Variants in CCNY observed in about 807,000 individuals in gnomAD.
The protein encoded by CCNY is cyclin-Y.
Under a neutral mutation model 42.8 loss-of-function variants are expected in CCNY, and 19 were observed. That is an observed-to-expected ratio of 0.44 (90% confidence interval 0.31 to 0.65). The LOEUF (loss-of-function observed/expected upper bound fraction) is 0.65. Ranked by LOEUF, CCNY falls within the 30% of genes least tolerant of loss-of-function variation. The probability of loss-of-function intolerance (pLI) is 0.07; values close to 1 mark genes in which losing one functional copy is unlikely to be tolerated. For missense variants in CCNY, 370 were observed against 437.3 expected (o/e 0.85, Z 1.37); for synonymous variants, 165 against 162.7 (o/e 1.01, Z -0.11).
chr10:35,258,923 G>C (rs1334819334), intron 3 of CCNY, among the ~76,000 whole-genome samples: 1 of 142,464 alleles, frequency 7.0e-6, no homozygotes, highest in African/African-American at 2.7e-5. Context: ...GTGACAGAGA[G>C]AGACTGTCTT....
In CCNY at chr10:35,569,935, TC is replaced by T. The variant is rs934797949; in HGVS notation, c.*767del. On this transcript the variant is annotated 3_prime_UTR_variant, in exon 10 of 10. Coordinates refer to ENST00000374704, the MANE Select transcript of CCNY (RefSeq NM_145012.6). ...CTAGATCACATGGGTGCTTGTGCCT[TC>T]CGATTTTCTTGCATTTGTTTTTTTC... The T allele has an allele frequency of 6.5e-6, 1 of 152,868 alleles. No homozygotes were observed. The highest frequency in any genetic ancestry group is 2.4e-5 in the African/African-American group (1 of 41,540). The allele number at this position is 152,868 out of a possible 1,614,324, so 9.5% of individuals were successfully genotyped here.
chr10:35,486,008 T>C (rs1839781360), intron 2 of CCNY, among the ~76,000 whole-genome samples: 1 of 152,224 alleles, frequency 6.6e-6, no homozygotes, highest in Non-Finnish European at 1.5e-5. Context: ...ACCATATTTT[T>C]CTCTGTACTG....
intron 1 of CCNY, among the ~76,000 whole-genome samples, chr10:35,466,091 A>G (rs1327107963): frequency 6.6e-6 from 1 of 151,994 alleles, no homozygotes; most frequent in Non-Finnish European, 1.5e-5. Flanking sequence ...CATTTTAACT[A>G]ATTTACCGGC....
intron 3 of CCNY, among the ~76,000 whole-genome samples, chr10:35,299,957 A>G (rs929596601): frequency 5.3e-5 from 8 of 152,198 alleles, no homozygotes; most frequent in African/African-American, 1.9e-4. Flanking sequence ...ATACATCTTC[A>G]GTTTATCAGT....
At position 35,519,994 on chromosome 10, in the gene CCNY, G is replaced by C. The variant is rs535554531; in HGVS notation, c.365+3371G>C. Among the ~76,000 whole-genome samples the C allele has an allele frequency of 1.4e-4, 21 of 152,024 alleles. No individual in the cohort carries two copies. The South Asian group carries it at 4.2e-3, about 30-fold the overall frequency. On this transcript the variant is annotated intron_variant, in intron 4 of 9. Coordinates refer to ENST00000374704, the MANE Select transcript of CCNY (RefSeq NM_145012.6). ...TTGTTTCACCTTGTTGCGTAGGCTGGGCTCAAGCAATCTACCCACCTTGGC... is the reference window on the plus strand; with the variant it reads ...TTGTTTCACCTTGTTGCGTAGGCTGCGCTCAAGCAATCTACCCACCTTGGC...
intron 3 of CCNY, among the ~76,000 whole-genome samples, chr10:35,301,311 GA>G (rs780865670): frequency 1.8e-4 from 27 of 152,222 alleles, no homozygotes; most frequent in Non-Finnish European, 2.5e-4. Context: ...GTCCAGTTTT[GA>G]ATATGGGTTG....
chr10:35,486,272 A>G (rs192354981), intron 2 of CCNY, among the ~76,000 whole-genome samples: 2,016 of 152,338 alleles, frequency 0.013, 22 homozygotes, highest in Admixed American at 0.021. Flanking sequence ...GCGGCTTGAA[A>G]TAGCCATAAT....
intron 3 of CCNY, among the ~76,000 whole-genome samples, chr10:35,503,755 G>A (rs993068496): frequency 6.6e-6 from 1 of 152,174 alleles, no homozygotes; most frequent in Non-Finnish European, 1.5e-5. Context: ...GAGGAGATGA[G>A]GCACAAAGAA....
chr10:35,411,115 G>T (rs184760025), intron 1 of CCNY, among the ~76,000 whole-genome samples: 1 of 152,196 alleles, frequency 6.6e-6, no homozygotes, highest in Admixed American at 6.5e-5. Flanking sequence ...TTTCATCAGG[G>T]ACTCAGACGA....
chr10:35,277,045 CAT>C (rs1835247332), intron 3 of CCNY, among the ~76,000 whole-genome samples: 1 of 152,214 alleles, frequency 6.6e-6, no homozygotes, highest in Non-Finnish European at 1.5e-5. Context: ...CCATCTCATG[CAT>C]ATTCTAGCTC....
intron 9 of CCNY, among the ~76,000 whole-genome samples, chr10:35,566,479 T>G (rs1209187686): frequency 1.3e-5 from 2 of 152,178 alleles, no homozygotes; most frequent in African/African-American, 4.8e-5. Context: ...GTAGCTGGGA[T>G]TACAGGTGCC....
At chr10:35,406,205 A>ATTTAT (rs1202162653) in intron 1 of CCNY, among the ~76,000 whole-genome samples, 1 of 104,420 alleles carries the variant, frequency 9.6e-6, no homozygotes, top group Non-Finnish European at 1.9e-5. Context: ...TTTTTATTTT[A>ATTTAT]TTTATTTATT....
At chr10:35,381,565 C>CA (rs57561593) in intron 1 of CCNY, among the ~76,000 whole-genome samples, 3,867 of 69,378 alleles carry the variant, frequency 0.056, 161 homozygotes, top group African/African-American at 0.15. Flanking sequence ...GACTCCGTCT[C>CA]AAAAAAAAAA....
intron 3 of CCNY, chr10:35,320,921 C>T (rs1835814304): frequency 6.6e-6 from 1 of 151,668 alleles, no homozygotes; most frequent in South Asian, 2.1e-4. Context: ...AAGGGAAGAT[C>T]ACTTGAGTCC....
chr10:35,441,563 G>A (rs1408850250), intron 1 of CCNY, among the ~76,000 whole-genome samples: 1 of 152,128 alleles, frequency 6.6e-6, no homozygotes, highest in Non-Finnish European at 1.5e-5. Flanking sequence ...GGGCAACATG[G>A]GCGAAACCTC....
intron 3 of CCNY, among the ~76,000 whole-genome samples, chr10:35,264,241 T>A (rs7921737): frequency 0.047 from 7,219 of 152,272 alleles, 241 homozygotes; most frequent in Non-Finnish European, 0.074. Flanking sequence ...TCTTTTTTTT[T>A]ATTTTATTAT....
chr10:35,389,546 T>G (rs1837369112), intron 1 of CCNY, among the ~76,000 whole-genome samples: 1 of 151,842 alleles, frequency 6.6e-6, no homozygotes, highest in Non-Finnish European at 1.5e-5. Context: ...TTCAAGCAGT[T>G]CTTTTGCCTC....
chr10:35,332,099 CA>C (rs1469993839), upstream of CCNY, among the ~76,000 whole-genome samples: 1 of 152,138 alleles, frequency 6.6e-6, no homozygotes, highest in Non-Finnish European at 1.5e-5. Context: ...TGCCTACTAC[CA>C]AGGACAAAAG....
intron 8 of CCNY, among the ~76,000 whole-genome samples, chr10:35,556,475 CATCT>C (rs1461609008): frequency 1.3e-5 from 2 of 152,144 alleles, no homozygotes; most frequent in Admixed American, 1.3e-4. Context: ...CACTGTGATC[CATCT>C]ATAATATACT....
Sources: allele counts gnomAD v4.1 joint callset (sites outside exome capture counted in the v4.1 genomes callset), GRCh38; gene constraint gnomAD v4.1.1; transcripts MANE v1.5; gene names NCBI Gene and HGNC (gene_info 2026-07-23, HGNC 2026-07-21).